KCNT1: variants seen among roughly 807,000 people sequenced by gnomAD.
The protein encoded by KCNT1 is potassium channel subfamily T member 1.
In KCNT1, 78 loss-of-function variants were observed where a neutral mutation model predicts 147.8. That is an observed-to-expected ratio of 0.53 (90% CI 0.44 to 0.64). The LOEUF (loss-of-function observed/expected upper bound fraction) is 0.64. KCNT1 is among the 30% of genes least tolerant of loss of function. The probability of loss-of-function intolerance (pLI) is 0.00; values close to 1 mark genes in which losing one functional copy is unlikely to be tolerated. For missense variants in KCNT1, 1,419 were observed against 1,750.3 expected, an observed-to-expected ratio of 0.81 and a Z score of 3.38; for synonymous variants, 867 against 748.8, an observed-to-expected ratio of 1.16 and a Z score of -2.58.
intron 11 of KCNT1, among the ~76,000 whole-genome samples, chr9:135,760,248 C>T (rs1330761208): frequency 5.9e-5 from 9 of 152,218 alleles, no homozygotes; most frequent in East Asian, 3.9e-4. Flanking sequence ...CACACCCCCC[C>T]GGCCACCCCA....
chr9:135,777,253 G>A, intron 20 of KCNT1, 85 bp from the exon 21 acceptor site: 8 of 1,427,626 alleles, frequency 5.6e-6, no homozygotes, highest in Non-Finnish European at 7.7e-6. Flanking sequence ...CACGGGGGAT[G>A]TTTGGTGAGG....
At chr9:135,721,395 C>T (rs1013934084) in intron 2 of KCNT1, among the ~76,000 whole-genome samples, 1 of 152,334 alleles carries the variant, frequency 6.6e-6, no homozygotes, top group Middle Eastern at 3.4e-3. Flanking sequence ...GGTGGGATCC[C>T]AGTCCTGCCC....
intron 21 of KCNT1, among the ~76,000 whole-genome samples, chr9:135,778,148 T>C (rs964071535): frequency 2.6e-5 from 4 of 152,184 alleles, no homozygotes; most frequent in Non-Finnish European, 5.9e-5. Context: ...CCTGGGCACC[T>C]TTTTGCCCAG....
intron 2 of KCNT1, among the ~76,000 whole-genome samples, chr9:135,743,728 G>A (rs781665730): frequency 1.1e-4 from 16 of 152,226 alleles, no homozygotes; most frequent in Admixed American, 2.0e-4. Flanking sequence ...GCCGTGGCAC[G>A]GTCTGGACAC....
chr9:135,748,011 G>A (rs1169683871), intron 2 of KCNT1, among the ~76,000 whole-genome samples: 9 of 152,108 alleles, frequency 5.9e-5, no homozygotes, highest in South Asian at 4.1e-4. Context: ...GCGTGTTGAC[G>A]GCTCACTTCA....
intron 19 of KCNT1, among the ~76,000 whole-genome samples, chr9:135,774,052 ATGTTATGTGTGTGGTGTG>A (rs2131527021): frequency 6.7e-6 from 1 of 149,242 alleles, no homozygotes; most frequent in Non-Finnish European, 1.5e-5. Context: ...TGTGTGGTGT[ATGTTATGTGTGTGGTGTG>A]TGTCCATATG....
At chr9:135,774,312 C>CTGTGTGT (rs1832977842) in intron 19 of KCNT1, among the ~76,000 whole-genome samples, 1 of 114,210 alleles carries the variant, frequency 8.8e-6, no homozygotes, top group Admixed American at 9.3e-5. Flanking sequence ...TGTCTGTGTG[C>CTGTGTGT]TGTGTGTTGT....
At chr9:135,772,050 G>T (rs1401241264) in intron 18 of KCNT1, among the ~76,000 whole-genome samples, 1 of 152,214 alleles carries the variant, frequency 6.6e-6, no homozygotes, top group East Asian at 1.9e-4. Flanking sequence ...CCACCTGCCA[G>T]ACCCCGCAGG....
At chr9:135,786,975 G>A (rs1834104566) in intron 29 of KCNT1, among the ~76,000 whole-genome samples, 1 of 152,244 alleles carries the variant, frequency 6.6e-6, no homozygotes, top group Non-Finnish European at 1.5e-5. Flanking sequence ...CCAGCCAGCT[G>A]CAGCCAGGCC....
chr9:135,753,448 G>A (rs963727495), intron 4 of KCNT1, among the ~76,000 whole-genome samples: 3 of 152,166 alleles, frequency 2.0e-5, no homozygotes, highest in African/African-American at 2.4e-5. Context: ...GCTTAGGGAC[G>A]TGCCTCTTGG....
At chr9:135,760,608 C>T (rs1831850974) in intron 11 of KCNT1, among the ~76,000 whole-genome samples, 1 of 152,210 alleles carries the variant, frequency 6.6e-6, no homozygotes, top group African/African-American at 2.4e-5. Context: ...TAGGGAGCCT[C>T]TGCTGACCCC....
At chr9:135,705,534 C>T (rs571380505) in intron 1 of KCNT1, among the ~76,000 whole-genome samples, 5 of 152,312 alleles carry the variant, frequency 3.3e-5, no homozygotes, top group East Asian at 1.9e-4. Flanking sequence ...TTGAAGTCAC[C>T]GGTCATGAGT....
intron 2 of KCNT1, among the ~76,000 whole-genome samples, chr9:135,747,680 G>A (rs1239477155): frequency 6.6e-6 from 1 of 152,178 alleles, no homozygotes; most frequent in Non-Finnish European, 1.5e-5. Context: ...GAGGGACACA[G>A]CAGAGCTGGC....
At chr9:135,725,658 G>T (rs1329470776) in intron 2 of KCNT1, among the ~76,000 whole-genome samples, 2 of 152,178 alleles carry the variant, frequency 1.3e-5, no homozygotes. Context: ...GGGTGCAGGG[G>T]TCACTCTGGG....
intron 1 of KCNT1, among the ~76,000 whole-genome samples, chr9:135,712,133 C>T (rs1835523335): frequency 6.6e-6 from 1 of 152,170 alleles, no homozygotes; most frequent in South Asian, 2.1e-4. Context: ...CAGCGGGGTG[C>T]TCTGAGCCCC....
At chr9:135,786,942 C>A (rs371990730) in intron 29 of KCNT1, among the ~76,000 whole-genome samples, 5 of 152,216 alleles carry the variant, frequency 3.3e-5, no homozygotes, top group African/African-American at 4.8e-5. Context: ...CTCCCCAAGT[C>A]GAGGGCATCA....
intron 24 of KCNT1, among the ~76,000 whole-genome samples, chr9:135,781,201 CAG>C (rs1231760848): frequency 1.3e-5 from 2 of 152,238 alleles, no homozygotes; most frequent in African/African-American, 4.8e-5. Flanking sequence ...AGTTGTGTGA[CAG>C]GGACCAAGGA....
At chr9:135,758,588 A>T in intron 10 of KCNT1, 80 bp downstream of exon 10, 1 of 1,136,746 alleles carries the variant, frequency 8.8e-7, no homozygotes, top group Non-Finnish European at 1.3e-6. Context: ...GAGGGGATAC[A>T]GATGCCTATG....
intron 3 of KCNT1, chr9:135,750,588 T>C: frequency 2.8e-6 from 1 of 354,228 alleles, no homozygotes; most frequent in Non-Finnish European, 5.2e-6. Flanking sequence ...GGCATCATGC[T>C]CCCCCCGGGA....
Sources: gnomAD v4.1 joint callset for allele counts (sites outside exome capture counted in the v4.1 genomes callset) on GRCh38, gnomAD v4.1.1 for gene constraint, MANE v1.5 for transcripts, NCBI Gene and HGNC (gene_info 2026-07-23, HGNC 2026-07-21) for gene names.